The following CEP83 variants were observed in gnomAD, a reference collection of about 807,000 sequenced individuals.
CEP83 encodes the protein centrosomal protein 83, also known as centrosomal protein of 83 kDa.
A neutral mutation model predicts 101.9 loss-of-function variants in CEP83; 70 were observed. That is an observed-to-expected ratio of 0.69 (90% CI 0.57 to 0.84). The LOEUF (loss-of-function observed/expected upper bound fraction) is 0.84. CEP83 is among the 40% of genes least tolerant of loss of function. The pLI is 0.00. For missense variants in CEP83, 715 were observed against 787.2 expected, an observed-to-expected ratio of 0.91 and a Z score of 1.10; for synonymous variants, 264 against 267.9, an observed-to-expected ratio of 0.99 and a Z score of 0.14.
In CEP83 at chr12:94,377,469, G is replaced by T. The variant is rs148505715; in HGVS notation, c.801+1322C>A. On this transcript the variant is annotated intron_variant, in intron 7 of 16. Coordinates refer to ENST00000397809, the MANE Select transcript of CEP83 (RefSeq NM_016122.3). ...AGTAAGTCAAACCACCTTAAGTTGGGGAACATCTAGCTTAAATGTGGTAAG... is the reference window on the plus strand; with the variant it reads ...AGTAAGTCAAACCACCTTAAGTTGGTGAACATCTAGCTTAAATGTGGTAAG... Among the ~76,000 whole-genome samples, 3 of 152,144 alleles carry T rather than the reference G, an allele frequency of 2.0e-5. No homozygotes were observed. In the East Asian group the frequency reaches 5.8e-4, roughly 29 times the overall value.
intron 11 of CEP83, among the ~76,000 whole-genome samples, chr12:94,366,534 G>C (rs34306268): frequency 0.097 from 14,703 of 152,138 alleles, 810 homozygotes; most frequent in Admixed American, 0.15. Flanking sequence ...CAAAAGAATT[G>C]CAAGTATGAA....
At chr12:94,360,187 T>C (rs1021371483) in intron 11 of CEP83, among the ~76,000 whole-genome samples, 8 of 152,036 alleles carry the variant, frequency 5.3e-5, no homozygotes, top group African/African-American at 4.8e-5. Context: ...CAAAAAAACA[T>C]TGAAAGCTTT....
At chr12:94,420,176 T>G (rs1236999372) in intron 2 of CEP83, among the ~76,000 whole-genome samples, 2 of 152,182 alleles carry the variant, frequency 1.3e-5, no homozygotes, top group Non-Finnish European at 2.9e-5. Flanking sequence ...GAAGCAAAGG[T>G]TGTAGTGTAA....
At chr12:94,359,842 G>A (rs1283560515) in intron 11 of CEP83, among the ~76,000 whole-genome samples, 1 of 151,946 alleles carries the variant, frequency 6.6e-6, no homozygotes, top group Admixed American at 6.6e-5. Context: ...GAGCACTATG[G>A]CCAGTATCCC....
At chr12:94,327,183 TAAACAATATG>T (rs1473833131) in intron 14 of CEP83, among the ~76,000 whole-genome samples, 3 of 152,320 alleles carry the variant, frequency 2.0e-5, no homozygotes, top group South Asian at 4.1e-4. Flanking sequence ...CTTAGTGTTA[TAAACAATATG>T]ACACAAAGGA....
chr12:94,360,147 T>G (rs1007374737), intron 11 of CEP83, among the ~76,000 whole-genome samples: 1 of 152,090 alleles, frequency 6.6e-6, no homozygotes, highest in Non-Finnish European at 1.5e-5. Context: ...ATACCATATA[T>G]GACAAAACCA....
At chr12:94,433,511 T>C (rs936413077) in intron 2 of CEP83, among the ~76,000 whole-genome samples, 1 of 151,774 alleles carries the variant, frequency 6.6e-6, no homozygotes, top group Admixed American at 6.6e-5. Context: ...TGAAAGCCTG[T>C]TTCTAAGAAA....
At chr12:94,428,669 C>T (rs907305844) in intron 2 of CEP83, among the ~76,000 whole-genome samples, 4 of 152,096 alleles carry the variant, frequency 2.6e-5, no homozygotes, top group African/African-American at 9.7e-5. Context: ...TAAAAGCCAT[C>T]CTCAAGACAC....
chr12:94,298,760 A>C, the CEP83 span: 1 of 1,612,488 alleles, frequency 6.2e-7, no homozygotes, highest in Non-Finnish European at 8.5e-7. Context: ...AAAAAATCAC[A>C]GATCCTGACG....
At chr12:94,441,466 C>T (rs566222140) in intron 1 of CEP83, among the ~76,000 whole-genome samples, 1 of 152,198 alleles carries the variant, frequency 6.6e-6, no homozygotes, top group African/African-American at 2.4e-5. Flanking sequence ...AACCACAATG[C>T]ACTACCACCT....
intron 6 of CEP83, among the ~76,000 whole-genome samples, chr12:94,387,256 A>T (rs1593609796): frequency 6.6e-6 from 1 of 152,306 alleles, no homozygotes; most frequent in East Asian, 1.9e-4. Context: ...GCCACACAGC[A>T]GGAAGTGAGC....
intron 6 of CEP83, among the ~76,000 whole-genome samples, chr12:94,398,477 T>C (rs572174610): frequency 5.9e-5 from 9 of 152,348 alleles, no homozygotes; most frequent in African/African-American, 2.2e-4. Context: ...TCATTTCTTA[T>C]GCCTGTCTTA....
At chr12:94,268,767 G>A in the CEP83 span, among the ~76,000 whole-genome samples, 13 of 151,746 alleles carry the variant, frequency 8.6e-5, no homozygotes, top group African/African-American at 2.9e-4. Context: ...GCTAATGCTT[G>A]TATTTTTAGT....
chr12:94,363,969 A>T (rs2060902030), intron 11 of CEP83, among the ~76,000 whole-genome samples: 1 of 151,494 alleles, frequency 6.6e-6, no homozygotes, highest in Non-Finnish European at 1.5e-5. Context: ...AAAAAAAGTA[A>T]TTACATCATG....
downstream of CEP83, chr12:94,305,593 G>A: frequency 3.7e-6 from 1 of 267,112 alleles, no homozygotes; most frequent in Non-Finnish European, 7.1e-6. Context: ...CTCCACTTAA[G>A]CACAATGATA....
At chr12:94,332,666 A>T (rs1352025861) in intron 13 of CEP83, among the ~76,000 whole-genome samples, 1 of 152,184 alleles carries the variant, frequency 6.6e-6, no homozygotes, top group African/African-American at 2.4e-5. Context: ...TAAAAGAAAA[A>T]TAAGTTGGAT....
chr12:94,458,513 C>T lies in CEP83; in HGVS notation c.-155+1044G>A, dbSNP rs556931447. Among the ~76,000 whole-genome samples the T allele has an allele frequency of 3.9e-5, 6 of 152,044 alleles. No individual in the cohort carries two copies. In the East Asian group the frequency reaches 7.8e-4, roughly 20 times the overall value. ...CAGCACTTTGGGAGGCCGAGGTGGG[C>T]GGATCACCTGAGGTCGGGAGTTTGA... On this transcript the variant is annotated intron_variant, in intron 1 of 16. Coordinates refer to ENST00000397809, the MANE Select transcript of CEP83 (RefSeq NM_016122.3).
chr12:94,330,208 T>C (rs747737442), intron 14 of CEP83, among the ~76,000 whole-genome samples: 4 of 152,126 alleles, frequency 2.6e-5, no homozygotes, highest in Non-Finnish European at 4.4e-5. Flanking sequence ...CCACAACAAA[T>C]GCTACTATTA....
the CEP83 span, among the ~76,000 whole-genome samples, chr12:94,265,715 G>A: frequency 6.6e-6 from 1 of 152,132 alleles, no homozygotes; most frequent in Admixed American, 6.5e-5. Context: ...CAAATGTTTG[G>A]TGTCATGCAC....
Sources: gnomAD v4.1 joint callset for allele counts (sites outside exome capture counted in the v4.1 genomes callset) on GRCh38, gnomAD v4.1.1 for gene constraint, MANE v1.5 for transcripts, NCBI Gene and HGNC (gene_info 2026-07-23, HGNC 2026-07-21) for gene names.